The following CEP112 variants were observed in gnomAD, a reference collection of about 807,000 sequenced individuals.
CEP112 encodes the protein centrosomal protein of 112 kDa.
In CEP112, 127 loss-of-function variants were observed where a neutral mutation model predicts 153.0. The ratio of observed to expected loss-of-function variants is 0.83; its 90% CI spans 0.72 to 0.96. The LOEUF is 0.96. Among genes scored for constraint, CEP112 ranks in the 40% least tolerant of loss-of-function variants. The probability of loss-of-function intolerance (pLI) is 0.00; values close to 1 mark genes in which losing one functional copy is unlikely to be tolerated. For missense variants in CEP112, 1,089 were observed against 1,101.2 expected (o/e 0.99, Z 0.16); for synonymous variants, 358 against 374.4 (o/e 0.96, Z 0.51).
At chr17:65,946,714 A>G (rs1568274379) in intron 18 of CEP112, among the ~76,000 whole-genome samples, 1 of 152,052 alleles carries the variant, frequency 6.6e-6, no homozygotes, top group Admixed American at 6.6e-5. Flanking sequence ...TAAGATTTTG[A>G]TTTTTTAAAA....
chr17:65,741,816 TTATGTGAAGCAAA>T (rs2051154679), intron 23 of CEP112, among the ~76,000 whole-genome samples: 1 of 152,030 alleles, frequency 6.6e-6, no homozygotes, highest in African/African-American at 2.4e-5. Context: ...GCAATGCAGT[TTATGTGAAGCAAA>T]ACAGTTATAT....
chr17:65,820,692 C>A (rs2145995857), intron 21 of CEP112, among the ~76,000 whole-genome samples: 1 of 152,196 alleles, frequency 6.6e-6, no homozygotes, highest in African/African-American at 2.4e-5. Flanking sequence ...ATGTATGATA[C>A]TTCCTTCAAC....
intron 21 of CEP112, among the ~76,000 whole-genome samples, chr17:65,792,394 A>G (rs2054640711): frequency 6.6e-6 from 1 of 152,174 alleles, no homozygotes. Context: ...GCATTTAATG[A>G]AGGAGATTTT....
intron 24 of CEP112, among the ~76,000 whole-genome samples, chr17:65,647,173 G>GT (rs771331024): frequency 0.25 from 31,010 of 126,268 alleles, 5,549 homozygotes; most frequent in East Asian, 0.49. Flanking sequence ...CTTGATTCTT[G>GT]TTTTTTTTTT....
At chr17:65,891,169 G>T (rs1040114770) in intron 20 of CEP112, among the ~76,000 whole-genome samples, 1 of 152,012 alleles carries the variant, frequency 6.6e-6, no homozygotes, top group African/African-American at 2.4e-5. Context: ...GATGATTGGG[G>T]GTATTAAGGT....
intron 18 of CEP112, among the ~76,000 whole-genome samples, chr17:65,944,988 A>T (rs1393513696): frequency 6.6e-6 from 1 of 152,196 alleles, no homozygotes; most frequent in Admixed American, 6.5e-5. Context: ...AACATGGATG[A>T]TTTTCTCAAA....
chr17:65,882,386 T>C (rs1394350577), intron 20 of CEP112, among the ~76,000 whole-genome samples: 1 of 152,260 alleles, frequency 6.6e-6, no homozygotes, highest in Non-Finnish European at 1.5e-5. Context: ...CCGTAGTACA[T>C]GTTGGGCAAA....
At chr17:65,784,863 T>C (rs2054193635) in intron 21 of CEP112, among the ~76,000 whole-genome samples, 1 of 152,100 alleles carries the variant, frequency 6.6e-6, no homozygotes, top group South Asian at 2.1e-4. Context: ...CATTCAGTGG[T>C]TTTTAGTATA....
chr17:66,117,908 A>C (rs1351182782), intron 6 of CEP112, among the ~76,000 whole-genome samples: 6 of 152,206 alleles, frequency 3.9e-5, no homozygotes. Context: ...TATATGAAAA[A>C]AATACTCAAA....
intron 17 of CEP112, among the ~76,000 whole-genome samples, chr17:65,992,803 C>T (rs999322370): frequency 1.8e-4 from 28 of 152,232 alleles, no homozygotes; most frequent in African/African-American, 6.3e-4. Flanking sequence ...TTTATACTAT[C>T]CCGTTATACT....
At chr17:66,170,850 C>A (rs1353375618) in intron 4 of CEP112, among the ~76,000 whole-genome samples, 1 of 151,744 alleles carries the variant, frequency 6.6e-6, no homozygotes, top group Non-Finnish European at 1.5e-5. Flanking sequence ...CAATGTGGAA[C>A]AGTAGTTTTT....
chr17:65,877,187 T>C (rs1390932769), intron 20 of CEP112, among the ~76,000 whole-genome samples: 1 of 152,218 alleles, frequency 6.6e-6, no homozygotes, highest in Non-Finnish European at 1.5e-5. Context: ...TTTCCCACCT[T>C]GGGCTTTCTC....
intron 23 of CEP112, among the ~76,000 whole-genome samples, chr17:65,717,250 AAACAGCCTTTTAAAGGCTG>A (rs1387515044): frequency 6.6e-6 from 1 of 152,190 alleles, no homozygotes; most frequent in Non-Finnish European, 1.5e-5. Flanking sequence ...TTGCCCCTGG[AAACAGCCTTTTAAAGGCTG>A]TTGTGGGCCT....
At chr17:65,897,679 C>CT (rs764108084) in intron 20 of CEP112, among the ~76,000 whole-genome samples, 5 of 151,842 alleles carry the variant, frequency 3.3e-5, no homozygotes, top group Non-Finnish European at 7.4e-5. Flanking sequence ...TCTTAAAGCA[C>CT]TTTGTTTTTT....
chr17:65,674,273 C>G (rs2047119451), intron 24 of CEP112, among the ~76,000 whole-genome samples: 5 of 152,188 alleles, frequency 3.3e-5, no homozygotes, highest in Admixed American at 2.6e-4. Context: ...ACTTTCCACT[C>G]TTAGTAATGA....
intron 6 of CEP112, among the ~76,000 whole-genome samples, chr17:66,103,788 T>C: frequency 6.6e-6 from 1 of 152,178 alleles, no homozygotes; most frequent in East Asian, 1.9e-4. Flanking sequence ...CAGCAGTGGC[T>C]ACATGGCATG....
intron 5 of CEP112, among the ~76,000 whole-genome samples, chr17:66,131,189 A>G (rs956168299): frequency 6.6e-6 from 1 of 152,162 alleles, no homozygotes; most frequent in Non-Finnish European, 1.5e-5. Flanking sequence ...TTTCTTTTCA[A>G]TACAATACTG....
chr17:65,771,903 C>G (rs1230791903), intron 21 of CEP112, among the ~76,000 whole-genome samples: 1 of 151,664 alleles, frequency 6.6e-6, no homozygotes, highest in African/African-American at 2.4e-5. Flanking sequence ...TGTCTGTATT[C>G]CTAGCTACTT....
Position 65,658,974 on chromosome 17 carries a change from C to T in CEP112, c.2698-17909G>A, listed in dbSNP as rs914271262. Among the ~76,000 whole-genome samples the T allele has an allele frequency of 2.2e-5, 3 of 138,116 alleles. No homozygotes were observed. The East Asian group carries it at 6.7e-4, about 31-fold the overall frequency. The allele number at this position is 138,116 out of a possible 152,430, so 90.6% of individuals were successfully genotyped here. A position where few individuals can be genotyped will look rare whatever the true frequency, so the allele number is the denominator to read the frequency against. On this transcript the variant is annotated intron_variant, in intron 24 of 26. Coordinates refer to ENST00000535342, the MANE Select transcript of CEP112 (RefSeq NM_001199165.4). ...TCAGTTGCAGTGAGCCAAGATCACG[C>T]CACTGCACTCCAGCCTGGGTGACAG...
Sources: allele counts gnomAD v4.1 joint callset (sites outside exome capture counted in the v4.1 genomes callset), GRCh38; gene constraint gnomAD v4.1.1; transcripts MANE v1.5; gene names NCBI Gene and HGNC (gene_info 2026-07-23, HGNC 2026-07-21).